The following RGS5 variants were observed in gnomAD, a reference collection of about 807,000 sequenced individuals.
The protein encoded by RGS5 is regulator of G-protein signalling 5.
A neutral mutation model predicts 18.9 loss-of-function variants in RGS5; 20 were observed. The observed-to-expected ratio is 1.06, with a 90% CI of 0.74 to 1.54. RGS5 has a LOEUF of 1.54. Among genes scored for constraint, RGS5 ranks in the 40% most tolerant of loss-of-function variants. The probability of loss-of-function intolerance (pLI) is 0.00; values close to 1 mark genes in which losing one functional copy is unlikely to be tolerated. For synonymous variants in RGS5, 57 were observed against 76.2 expected, an observed-to-expected ratio of 0.75 and a Z score of 1.31; for missense variants, 201 against 211.8, an observed-to-expected ratio of 0.95 and a Z score of 0.32.
intron 2 of RGS5, among the ~76,000 whole-genome samples, chr1:163,246,184 GC>G (rs1647930044): frequency 6.6e-6 from 1 of 150,556 alleles, no homozygotes; most frequent in Non-Finnish European, 1.5e-5. Context: ...TCGCGCCACT[GC>G]ACTCCAGCCT....
chr1:163,255,824 T>G (rs1481708616), intron 2 of RGS5, among the ~76,000 whole-genome samples: 1 of 151,984 alleles, frequency 6.6e-6, no homozygotes, highest in African/African-American at 2.4e-5. Context: ...AATCAATAAA[T>G]GTAATCCAGC....
intron 1 of RGS5, among the ~76,000 whole-genome samples, chr1:163,170,311 G>T (rs1371454324): frequency 6.6e-6 from 1 of 152,178 alleles, no homozygotes; most frequent in African/African-American, 2.4e-5. Context: ...CTAGCACAAT[G>T]CTTGGCAATA....
At chr1:163,165,504 C>G (rs1432505132) in intron 2 of RGS5, among the ~76,000 whole-genome samples, 1 of 152,154 alleles carries the variant, frequency 6.6e-6, no homozygotes, top group Non-Finnish European at 1.5e-5. Context: ...TACAGCAGAG[C>G]CTTAAGGAAT....
In RGS5 at chr1:163,266,015, C is replaced by T. The variant is rs190091499; in HGVS notation, c.-281+40218G>A. 5.3e-5 allele frequency among the ~76,000 whole-genome samples: 8 copies of T among 152,220 alleles called. No individual in the cohort carries two copies. In the East Asian group the frequency reaches 1.5e-3, roughly 29 times the overall value. On this transcript the variant is annotated intron_variant, in intron 2 of 5. Transcript: ENST00000618415. The stretch of plus-strand genomic sequence containing the variant: ...GTCCCTGTGCCCTAGAGTTATCAGC[C>T]CAACTGCCTACTGGACTCCAGGTGG...
chr1:163,239,560 G>A lies in RGS5; in HGVS notation c.-281+66673C>T, dbSNP rs536728065. ...AATGGCATAAAGAAGACCTAAAACT[G>A]GTGTCCATTAAAAGGCAGAACATTT... On this transcript the variant is annotated intron_variant, in intron 2 of 5. Transcript: ENST00000618415. Among the ~76,000 whole-genome samples the A allele has an allele frequency of 2.6e-5, 4 of 151,364 alleles. No individual in the cohort carries two copies. The South Asian group carries it at 8.3e-4, about 32-fold the overall frequency.
intron 2 of RGS5, among the ~76,000 whole-genome samples, chr1:163,241,586 G>A (rs938372913): frequency 3.9e-5 from 6 of 152,078 alleles, no homozygotes; most frequent in East Asian, 3.8e-4. Flanking sequence ...ACCCACGGTC[G>A]TTTATTCTCA....
At chr1:163,163,125 G>T (rs1478809076) in intron 2 of RGS5, among the ~76,000 whole-genome samples, 2 of 152,070 alleles carry the variant, frequency 1.3e-5, no homozygotes, top group Non-Finnish European at 2.9e-5. Flanking sequence ...GCTGTCCCAG[G>T]CGCAGAATCA....
chr1:163,213,734 G>A (rs1660156831), intron 1 of RGS5, among the ~76,000 whole-genome samples: 1 of 152,120 alleles, frequency 6.6e-6, no homozygotes, highest in African/African-American at 2.4e-5. Flanking sequence ...TTCAACTGCA[G>A]GATCACAATC....
chr1:163,208,444 G>A (rs1660008604), intron 1 of RGS5, among the ~76,000 whole-genome samples: 1 of 134,950 alleles, frequency 7.4e-6, no homozygotes, highest in Non-Finnish European at 1.5e-5. Context: ...CTTGAGCCCA[G>A]GAGTTCAAGG....
At chr1:163,279,510 G>A (rs1282926815) in intron 2 of RGS5, among the ~76,000 whole-genome samples, 1 of 151,844 alleles carries the variant, frequency 6.6e-6, no homozygotes, top group African/African-American at 2.4e-5. Flanking sequence ...AACCTATGGG[G>A]CATAGCAAAA....
chr1:163,308,496 T>C (rs1243258404), intron 1 of RGS5: 1 of 152,190 alleles, frequency 6.6e-6, no homozygotes, highest in East Asian at 1.9e-4. Context: ...AGGCATAATA[T>C]TAAACTGTTT....
intron 2 of RGS5, among the ~76,000 whole-genome samples, chr1:163,280,037 A>C (rs2101717946): frequency 6.6e-6 from 1 of 152,268 alleles, no homozygotes; most frequent in Non-Finnish European, 1.5e-5. Context: ...TCCCTGCAAA[A>C]GTCCAAGACT....
chr1:163,158,875 C>T (rs111802474), intron 3 of RGS5, among the ~76,000 whole-genome samples: 8,196 of 152,182 alleles, frequency 0.054, 304 homozygotes, highest in Middle Eastern at 0.082. Flanking sequence ...AGCCTGGGAG[C>T]GCTACGGGAG....
chr1:163,319,862 T>C (rs1270811756), intron 1 of RGS5, among the ~76,000 whole-genome samples: 1 of 152,232 alleles, frequency 6.6e-6, no homozygotes, highest in Non-Finnish European at 1.5e-5. Context: ...ACAAAACTCT[T>C]AGACTAATGT....
chr1:163,212,048 C>T (rs1324637513), intron 1 of RGS5: 1 of 152,180 alleles, frequency 6.6e-6, no homozygotes, highest in African/African-American at 2.4e-5. Context: ...AATTCCTTTT[C>T]CACAAAATAA....
intron 1 of RGS5, among the ~76,000 whole-genome samples, chr1:163,174,223 T>A: frequency 6.6e-6 from 1 of 152,230 alleles, no homozygotes; most frequent in East Asian, 1.9e-4. Context: ...ATGGCATTTT[T>A]CAATTGGCAT....
At chr1:163,187,292 C>T (rs184057958) in intron 1 of RGS5, among the ~76,000 whole-genome samples, 8 of 152,328 alleles carry the variant, frequency 5.3e-5, no homozygotes, top group Non-Finnish European at 1.0e-4. Context: ...GCATTTTTCT[C>T]AATCTTGCCA....
chr1:163,167,642 A>G (rs769754549), intron 2 of RGS5, among the ~76,000 whole-genome samples: 20 of 152,198 alleles, frequency 1.3e-4, no homozygotes, highest in Non-Finnish European at 2.5e-4. Context: ...AAGAATATTA[A>G]TTTATGAATT....
intron 2 of RGS5, chr1:163,304,200 C>T (rs1290996629): frequency 6.6e-6 from 1 of 152,134 alleles, no homozygotes; most frequent in Non-Finnish European, 1.5e-5. Flanking sequence ...CCAGGGAAGA[C>T]ATAAGTAAAA....
Sources: allele counts gnomAD v4.1 joint callset (sites outside exome capture counted in the v4.1 genomes callset), GRCh38; gene constraint gnomAD v4.1.1; transcripts MANE v1.5; gene names NCBI Gene and HGNC (gene_info 2026-07-23, HGNC 2026-07-21).